The following GTF2H2 variants were observed in gnomAD, a reference collection of about 807,000 sequenced individuals.
GTF2H2 encodes the protein TFIIH basal transcription factor complex p44 subunit.
Under a neutral mutation model 16.5 loss-of-function variants are expected in GTF2H2, and 2 were observed. That is an observed-to-expected ratio of 0.12 (90% CI 0.05 to 0.38). The LOEUF (loss-of-function observed/expected upper bound fraction) is 0.38, where lower values mean the gene tolerates loss of function less well. Among genes scored for constraint, GTF2H2 ranks in the 10% least tolerant of loss-of-function variants. The pLI is 0.99. For missense variants in GTF2H2, 20 were observed against 137.0 expected (o/e 0.15, Z 4.26); for synonymous variants, 8 against 44.1 (o/e 0.18, Z 3.24).
intron 1 of GTF2H2, among the ~76,000 whole-genome samples, chr5:71,063,696 CG>C (rs1225396551): frequency 7.1e-6 from 1 of 141,432 alleles, no homozygotes; most frequent in African/African-American, 2.8e-5. Context: ...AAATGTGGTA[CG>C]TAATATATCA....
At chr5:71,058,303 T>A (rs1229052324) in intron 7 of GTF2H2, 1 of 135,228 alleles carries the variant, frequency 7.4e-6, no homozygotes, top group African/African-American at 2.8e-5. Flanking sequence ...GGAGGAACCA[T>A]CCTTCTTCCA....
intron 7 of GTF2H2, among the ~76,000 whole-genome samples, chr5:71,056,550 TTATTTA>T (rs1468029417): frequency 1.9e-5 from 1 of 52,732 alleles, no homozygotes; most frequent in African/African-American, 8.2e-5. Context: ...TTTTTTTATA[TTATTTA>T]TATTTAGATT....
intron 7 of GTF2H2, among the ~76,000 whole-genome samples, chr5:71,056,834 AC>A (rs1753275253): frequency 7.1e-6 from 1 of 139,938 alleles, no homozygotes; most frequent in Non-Finnish European, 1.6e-5. Flanking sequence ...GGTGTAAGTC[AC>A]CACGCCTGGC....
chr5:71,055,542 TAAAG>T (rs1481252294), intron 7 of GTF2H2, 85 bp from the exon 8 acceptor site: 3 of 1,071,914 alleles, frequency 2.8e-6, no homozygotes, highest in African/African-American at 4.4e-5. Flanking sequence ...TCTATGATGT[TAAAG>T]AACAGAATCC....
At chr5:71,045,884 G>A (rs1752301456) in intron 11 of GTF2H2, among the ~76,000 whole-genome samples, 1 of 139,642 alleles carries the variant, frequency 7.2e-6, no homozygotes, top group South Asian at 2.2e-4. Flanking sequence ...TTCCCATGTA[G>A]CTGGGATTAC....
intron 7 of GTF2H2, 95 bp downstream of exon 7, chr5:71,059,595 T>TC (rs1753532045): frequency 2.6e-4 from 1 of 3,840 alleles, no homozygotes. Context: ...GAACCACCCT[T>TC]CACGTTACTT....
At chr5:71,046,651 A>G (rs569294168) in intron 11 of GTF2H2, among the ~76,000 whole-genome samples, 37 of 136,974 alleles carry the variant, frequency 2.7e-4, no homozygotes, top group Non-Finnish European at 5.3e-4. Flanking sequence ...AAAATAGAAG[A>G]AAATAACATT....
intron 14 of GTF2H2, among the ~76,000 whole-genome samples, chr5:71,039,663 TA>T (rs1751963195): frequency 6.9e-6 from 1 of 145,968 alleles, no homozygotes; most frequent in East Asian, 2.0e-4. Flanking sequence ...TTACTCCTTT[TA>T]TTGTACTTTC....
intron 7 of GTF2H2, chr5:71,058,293 G>A (rs1387170844): frequency 7.3e-6 from 1 of 136,848 alleles, no homozygotes; most frequent in Non-Finnish European, 1.6e-5. Flanking sequence ...TTCCTACCTT[G>A]GAGGAACCAT....
At position 71,053,290 on chromosome 5, in the gene GTF2H2, T is replaced by C. The variant is rs530188224; in HGVS notation, c.470+2062A>G. 1.4e-5 allele frequency among the ~76,000 whole-genome samples: 2 copies of C among 141,832 alleles called. 1 individual carries two copies. The highest frequency in any genetic ancestry group is 3.1e-5 in the Non-Finnish European group (2 of 64,982). The allele number at this position is 141,832 out of a possible 152,430, so 93.0% of individuals were successfully genotyped here. A position where few individuals can be genotyped will look rare whatever the true frequency, so the allele number is the denominator to read the frequency against. ...GGTTATTATTGGTGTAATTTGAATA[T>C]TTTTGTGTCTTAGGAGATGGGGGGG... On this transcript the variant is annotated intron_variant, in intron 8 of 15. Transcript: ENST00000274400.
At position 71,055,329 on chromosome 5, in the gene GTF2H2, T is replaced by C; in HGVS notation, c.470+23A>G. 6 of 1,554,628 alleles carry C rather than the reference T, an allele frequency of 3.9e-6. No individual in the cohort carries two copies. The South Asian group carries it at 5.8e-5, about 15-fold the overall frequency. Reference sequence around the variant, plus strand: ...TCATTTAAAAAACTTCTAATTCAATTATACATAATGTATAATACTAACTTT... The same window carrying C: ...TCATTTAAAAAACTTCTAATTCAATCATACATAATGTATAATACTAACTTT... On this transcript the variant is annotated intron_variant, in intron 8 of 15. Coordinates refer to ENST00000274400, the Ensembl canonical transcript of GTF2H2.
In GTF2H2 at chr5:71,048,129, G is replaced by GA; in HGVS notation, c.650-17_650-16insT. 2.8e-5 allele frequency: 16 copies of GA among 566,284 alleles called. No homozygotes were observed. Among genetic ancestry groups the GA allele is most frequent in the Non-Finnish European group, 3.5e-5 (14 of 402,242 alleles). The allele number at this position is 566,284 out of a possible 1,614,324, so 35.1% of individuals were successfully genotyped here. A position where few individuals can be genotyped will look rare whatever the true frequency, so the allele number is the denominator to read the frequency against. Reference sequence around the variant, plus strand: ...TGGTACGTGCCTAACAAGATGAAAAGGGAAAAAAAAACACCTTCATAGACA... The same window carrying GA: ...TGGTACGTGCCTAACAAGATGAAAAGAGGAAAAAAAAACACCTTCATAGACA... On this transcript the variant is annotated splice_polypyrimidine_tract_variant and intron_variant, in intron 10 of 15. Transcript: ENST00000274400.
intron 8 of GTF2H2, among the ~76,000 whole-genome samples, chr5:71,051,437 C>CT (rs1370251750): frequency 3.9e-5 from 3 of 76,550 alleles, no homozygotes; most frequent in Non-Finnish European, 5.2e-5. Flanking sequence ...TGAAATAAAT[C>CT]TTTTTTCTGA....
At position 71,038,002 on chromosome 5, in the gene GTF2H2, T is replaced by C. The variant is rs1278811371; in HGVS notation, c.1029-456A>G. 6.0e-5 allele frequency among the ~76,000 whole-genome samples: 3 copies of C among 49,694 alleles called. 1 individual carries two copies. The highest frequency in any genetic ancestry group is 7.9e-5 in the Non-Finnish European group (2 of 25,264). The allele number at this position is 49,694 out of a possible 152,430, so 32.6% of individuals were successfully genotyped here. A position where few individuals can be genotyped will look rare whatever the true frequency, so the allele number is the denominator to read the frequency against. On this transcript the variant is annotated intron_variant, in intron 14 of 15. Transcript: ENST00000274400. The stretch of plus-strand genomic sequence containing the variant: ...AAAAAAAAAAAAAAAAAAAAAAGAA[T>C]AGCAATAATTAAAAAAAAAATTCCA...
intron 8 of GTF2H2, among the ~76,000 whole-genome samples, chr5:71,053,250 C>CA (rs1459025676): frequency 1.4e-5 from 2 of 139,524 alleles, no homozygotes; most frequent in African/African-American, 2.8e-5. Context: ...CTTGAACACT[C>CA]AGAGGCCACT....
In GTF2H2 at chr5:71,045,143, T is replaced by TA. The variant is rs1301763956; in HGVS notation, c.821+300dup. Reference sequence around the variant, plus strand: ...CCTACACACTCACTGAGGTAAACATTAAAAAAAAAAATTTCCCCCTCCACC... The same window carrying TA: ...CCTACACACTCACTGAGGTAAACATTAAAAAAAAAAAATTTCCCCCTCCACC... On this transcript the variant is annotated intron_variant, in intron 12 of 15. Coordinates refer to ENST00000274400, the Ensembl canonical transcript of GTF2H2. Among the ~76,000 whole-genome samples, 104 of 103,658 alleles carry TA rather than the reference T, an allele frequency of 1.0e-3. 1 individual carries two copies. Among genetic ancestry groups the TA allele is most frequent in the African/African-American group, 4.1e-3 (90 of 22,206 alleles). The allele number at this position is 103,658 out of a possible 152,430, so 68.0% of individuals were successfully genotyped here.
chr5:71,053,228 C>T (rs1752905282), intron 8 of GTF2H2, among the ~76,000 whole-genome samples: 1 of 137,608 alleles, frequency 7.3e-6, no homozygotes, highest in Non-Finnish European at 1.6e-5. Flanking sequence ...AGACATGCGA[C>T]TCCTCCTTAC....
chr5:71,052,915 A>ATTGTTTTTTTTTTTTTTTTTTTTT (rs1752867782), intron 8 of GTF2H2, among the ~76,000 whole-genome samples: 1 of 44,052 alleles, frequency 2.3e-5, no homozygotes, highest in Non-Finnish European at 3.7e-5. Context: ...TGCCTGGCTA[A>ATTGTTTTTTTTTTTTTTTTTTTTT]TTTTTTTTTT....
At chr5:71,056,215 CAAA>C (rs1753225245) in intron 7 of GTF2H2, among the ~76,000 whole-genome samples, 1 of 138,384 alleles carries the variant, frequency 7.2e-6, no homozygotes, top group Admixed American at 7.3e-5. Context: ...AACTCCATCT[CAAA>C]AAACAAACAA....
Sources: gnomAD v4.1 joint callset for allele counts (sites outside exome capture counted in the v4.1 genomes callset) on GRCh38, gnomAD v4.1.1 for gene constraint, MANE v1.5 for transcripts, NCBI Gene and HGNC (gene_info 2026-07-23, HGNC 2026-07-21) for gene names.